The following MTMR2 variants were observed in gnomAD, a reference collection of about 807,000 sequenced individuals.
The protein encoded by MTMR2 is myotubularin related protein 2.
A neutral mutation model predicts 86.9 loss-of-function variants in MTMR2; 55 were observed. The observed-to-expected ratio is 0.63, with a 90% confidence interval of 0.51 to 0.79. The LOEUF (loss-of-function observed/expected upper bound fraction) is 0.79, where lower values mean the gene tolerates loss of function less well. Among genes scored for constraint, MTMR2 ranks in the 30% least tolerant of loss-of-function variants. The probability of loss-of-function intolerance (pLI) is 0.00; values close to 1 mark genes in which losing one functional copy is unlikely to be tolerated. For missense variants in MTMR2, 659 were observed against 772.3 expected (o/e 0.85, Z 1.74); for synonymous variants, 241 against 266.8 (o/e 0.90, Z 0.94).
At chr11:95,846,781 A>C (rs1404672612) in intron 10 of MTMR2, among the ~76,000 whole-genome samples, 1 of 152,158 alleles carries the variant, frequency 6.6e-6, no homozygotes. Context: ...CACATCACAT[A>C]ATTTAATGAA....
At chr11:95,858,486 T>C (rs768494469) in intron 6 of MTMR2, 45 bp downstream of exon 6, 1 of 1,287,960 alleles carries the variant, frequency 7.8e-7, no homozygotes, top group Non-Finnish European at 1.1e-6. Flanking sequence ...TTATACGACA[T>C]CAATAATTAT....
chr11:95,908,486 A>C (rs1273928979), intron 1 of MTMR2, among the ~76,000 whole-genome samples: 1 of 152,162 alleles, frequency 6.6e-6, no homozygotes, highest in Non-Finnish European at 1.5e-5. Context: ...TTAGAAAAAA[A>C]CTATTCTAAA....
chr11:95,910,187 C>A (rs1188487615), intron 1 of MTMR2, among the ~76,000 whole-genome samples: 2 of 150,478 alleles, frequency 1.3e-5, no homozygotes, highest in African/African-American at 4.9e-5. Context: ...GAAGACAGAC[C>A]CAAAACTTCA....
At chr11:95,921,965 T>C (rs1866945001) in intron 1 of MTMR2, among the ~76,000 whole-genome samples, 1 of 152,242 alleles carries the variant, frequency 6.6e-6, no homozygotes, top group Non-Finnish European at 1.5e-5. Context: ...CCGTTAGGTA[T>C]ATTAGTTTGT....
chr11:95,923,805 A>G, intron 1 of MTMR2, 70 bp downstream of exon 1: 1 of 1,518,078 alleles, frequency 6.6e-7, no homozygotes, highest in Non-Finnish European at 8.9e-7. Context: ...TTGGGGCAAC[A>G]ATCCAGCAGG....
At chr11:95,840,173 A>C (rs188794663) in intron 12 of MTMR2, 1 of 152,204 alleles carries the variant, frequency 6.6e-6, no homozygotes, top group Admixed American at 6.5e-5. Context: ...CTTTTTTTCT[A>C]GCAAACATAT....
At chr11:95,886,369 A>T (rs560972727) in intron 2 of MTMR2, among the ~76,000 whole-genome samples, 1 of 152,318 alleles carries the variant, frequency 6.6e-6, no homozygotes, top group Non-Finnish European at 1.5e-5. Flanking sequence ...AAACCTTAAA[A>T]TATTTTATAT....
chr11:95,886,549 A>G (rs1296520278), intron 2 of MTMR2, among the ~76,000 whole-genome samples: 1 of 152,138 alleles, frequency 6.6e-6, no homozygotes, highest in Admixed American at 6.5e-5. Context: ...CCTGCAGTGT[A>G]CTGCACTTCA....
At chr11:95,836,774 G>C (rs141721408) in intron 13 of MTMR2, among the ~76,000 whole-genome samples, 2 of 152,074 alleles carry the variant, frequency 1.3e-5, no homozygotes, top group East Asian at 3.9e-4. Flanking sequence ...TAGACACAAG[G>C]TTTACATATT....
intron 1 of MTMR2, among the ~76,000 whole-genome samples, chr11:95,910,474 C>G (rs151022487): frequency 3.3e-5 from 5 of 151,770 alleles, no homozygotes; most frequent in Non-Finnish European, 7.4e-5. Context: ...AGTATATACT[C>G]TAAAGTGAAA....
intron 3 of MTMR2, among the ~76,000 whole-genome samples, chr11:95,863,863 T>A (rs531835498): frequency 6.6e-6 from 1 of 152,286 alleles, no homozygotes; most frequent in African/African-American, 2.4e-5. Context: ...CTTTGTTCTG[T>A]ACCCTCTATC....
At position 95,915,979 on chromosome 11, in the gene MTMR2, A is replaced by G. The variant is rs189033595; in HGVS notation, c.80+7896T>C. The stretch of plus-strand genomic sequence containing the variant: ...TTATAAAAATCTGACCCAAGACAAG[A>G]CACAAAAAAATAGAAAGCTAAACTC... On this transcript the variant is annotated intron_variant, in intron 1 of 14. Coordinates refer to ENST00000346299, the MANE Select transcript of MTMR2 (RefSeq NM_016156.6). 1.7e-4 allele frequency among the ~76,000 whole-genome samples: 26 copies of G among 152,280 alleles called. No individual in the cohort carries two copies. In the East Asian group the frequency reaches 4.8e-3, roughly 28 times the overall value.
chr11:95,898,527 C>CA (rs929671738), intron 1 of MTMR2, among the ~76,000 whole-genome samples: 21 of 151,804 alleles, frequency 1.4e-4, no homozygotes, highest in African/African-American at 4.6e-4. Flanking sequence ...CACACACACA[C>CA]AAAAAAACAC....
intron 1 of MTMR2, among the ~76,000 whole-genome samples, chr11:95,888,852 C>T (rs1216221329): frequency 6.6e-6 from 1 of 152,014 alleles, no homozygotes; most frequent in Non-Finnish European, 1.5e-5. Context: ...CAAACTGAGT[C>T]TCAAAAGATA....
intron 2 of MTMR2, among the ~76,000 whole-genome samples, chr11:95,872,097 A>G (rs1237658025): frequency 6.6e-6 from 1 of 152,114 alleles, no homozygotes; most frequent in African/African-American, 2.4e-5. Flanking sequence ...TTGACTTGGC[A>G]AGGCGGGCTC....
At chr11:95,863,396 T>C (rs531775153) in intron 3 of MTMR2, among the ~76,000 whole-genome samples, 1 of 152,318 alleles carries the variant, frequency 6.6e-6, no homozygotes, top group South Asian at 2.1e-4. Context: ...ACTGATCTTT[T>C]CACAATCATT....
Position 95,847,743 on chromosome 11 carries a change from C to G in MTMR2, c.1150G>C (p.Glu384Gln), listed in dbSNP as rs988897482. ...ATATGTTCTAGCCAATGAGTAGATT[C>G]CAAGTTAGACAACCAGTGGGTTTCC... ...IEETHWLSNLESTHWLEHIKL... is the reference protein window; with the variant it reads ...IEETHWLSNLQSTHWLEHIKL... The change falls in exon 10 of 15, where the codon GAA (glutamate) becomes CAA (glutamine). Residue 384 changes from glutamate (E) to glutamine (Q), a missense_variant. By Grantham distance (29) the Glu-to-Gln change is conservative. Transcript: ENST00000346299. The G allele has an allele frequency of 1.9e-6, 3 of 1,613,436 alleles. No homozygotes were observed. In the South Asian group the frequency reaches 3.3e-5, roughly 18 times the overall value.
chr11:95,881,610 C>A (rs1040849767), intron 2 of MTMR2, among the ~76,000 whole-genome samples: 2 of 151,764 alleles, frequency 1.3e-5, no homozygotes, highest in African/African-American at 4.8e-5. Context: ...TAACTGGGAT[C>A]TTCTTTAAAT....
intron 1 of MTMR2, among the ~76,000 whole-genome samples, chr11:95,923,193 C>T (rs1866995861): frequency 6.6e-6 from 1 of 152,100 alleles, no homozygotes; most frequent in Admixed American, 6.5e-5. Flanking sequence ...CGTGGAGAAC[C>T]AGTAGCCCAA....
Sources: gnomAD v4.1 joint callset for allele counts (sites outside exome capture counted in the v4.1 genomes callset) on GRCh38, gnomAD v4.1.1 for gene constraint, MANE v1.5 for transcripts, NCBI Gene and HGNC (gene_info 2026-07-23, HGNC 2026-07-21) for gene names.